RBMS2: variants seen among roughly 807,000 people sequenced by gnomAD.
RBMS2 encodes RNA-binding motif, single-stranded-interacting protein 2.
A neutral mutation model predicts 58.4 loss-of-function variants in RBMS2; 38 were observed. That is an observed-to-expected ratio of 0.65 (90% CI 0.50 to 0.85). RBMS2 has a LOEUF of 0.85. RBMS2 is among the 40% of genes least tolerant of loss of function. The probability of loss-of-function intolerance (pLI) is 0.00; values close to 1 mark genes in which losing one functional copy is unlikely to be tolerated. For missense variants in RBMS2, 367 were observed against 503.7 expected, an observed-to-expected ratio of 0.73 and a Z score of 2.60; for synonymous variants, 151 against 180.7, an observed-to-expected ratio of 0.84 and a Z score of 1.32.
rs757476877 is a variant in RBMS2 at position 56,521,989 on chromosome 12, C to G, written c.-35C>G. On this transcript the variant is annotated 5_prime_UTR_variant, in exon 1 of 14. Coordinates refer to ENST00000262031, the MANE Select transcript of RBMS2 (RefSeq NM_002898.4). ...TTACCCCCTCCCTTTCTCTCTCTCT[C>G]TCTCTCTCGCTCGTTCCCTAACATT... is the stretch of plus-strand genomic sequence containing the variant. 1.8e-6 allele frequency: 2 copies of G among 1,098,292 alleles called. No individual in the cohort carries two copies. Among genetic ancestry groups the G allele is most frequent in the Non-Finnish European group, 2.6e-6 (2 of 760,270 alleles). 68.0% of individuals were successfully genotyped at this position (1,098,292 alleles called of 1,614,324 possible).
rs775933407 is a variant in RBMS2 at position 56,596,107 on chromosome 12, CA to C, written c.*6980del. 2.6e-5 allele frequency: 4 copies of C among 152,630 alleles called. No individual in the cohort carries two copies. The highest frequency in any genetic ancestry group is 7.2e-5 in the African/African-American group (3 of 41,450). 9.5% of individuals were successfully genotyped at this position (152,630 alleles called of 1,614,324 possible). On this transcript the variant is annotated 3_prime_UTR_variant, in exon 14 of 14. Transcript: ENST00000262031. The stretch of plus-strand genomic sequence containing the variant: ...ATAGAAAGAAATAAATTTAAATTCA[CA>C]AAAAACTGTACATTATCAAAAAGTC...
rs141510866 is a variant in RBMS2, at chr12:56,583,349, C to A, written c.873+1197C>A. On this transcript the variant is annotated intron_variant, in intron 9 of 13. Transcript: ENST00000262031. ...TTCCTTCCAGGCATAGGTGCTACTG[C>A]TCTTTTAAAATTGTTCCTGTCTTGC... Among the ~76,000 whole-genome samples, 17 of 152,274 alleles carry A rather than the reference C, an allele frequency of 1.1e-4. No individual in the cohort carries two copies. The East Asian group carries it at 3.1e-3, about 28-fold the overall frequency.
intron 1 of RBMS2, among the ~76,000 whole-genome samples, chr12:56,544,616 T>A (rs932525040): frequency 6.6e-6 from 1 of 152,102 alleles, no homozygotes; most frequent in African/African-American, 2.4e-5. Context: ...GTTGAGACAG[T>A]CTTGCTCTGT....
At chr12:56,577,333 C>A (rs568106628) in intron 5 of RBMS2, among the ~76,000 whole-genome samples, 1 of 151,682 alleles carries the variant, frequency 6.6e-6, no homozygotes, top group South Asian at 2.1e-4. Flanking sequence ...ATCATTTGAA[C>A]CCAGGAGGCA....
chr12:56,587,430 CTCACT>C lies in RBMS2; in HGVS notation c.952-122_952-118del, dbSNP rs2136600991. 1.0e-5 allele frequency: 10 copies of C among 1,004,060 alleles called. No individual in the cohort carries two copies. The South Asian group carries it at 1.7e-4, about 17-fold the overall frequency. The allele number at this position is 1,004,060 out of a possible 1,614,324, so 62.2% of individuals were successfully genotyped here. On this transcript the variant is annotated intron_variant, in intron 10 of 13. Coordinates refer to ENST00000262031, the MANE Select transcript of RBMS2 (RefSeq NM_002898.4). ...TTCTTGTTGCATAGTTGGGTTGCTG[CTCACT>C]TACCATTTCCCAGGATTCTTAAATG... is the stretch of plus-strand genomic sequence containing the variant.
chr12:56,579,460 C>G (rs1277355655), intron 5 of RBMS2, among the ~76,000 whole-genome samples: 2 of 152,020 alleles, frequency 1.3e-5, no homozygotes, highest in East Asian at 3.9e-4. Flanking sequence ...GAAACCCCGT[C>G]TCTACTAAAA....
chr12:56,537,648 A>G (rs1359250375), intron 1 of RBMS2, among the ~76,000 whole-genome samples: 1 of 152,198 alleles, frequency 6.6e-6, no homozygotes, highest in Non-Finnish European at 1.5e-5. Context: ...TAATGTTGCT[A>G]TGAACTTGAG....
chr12:56,568,346 C>T (rs899943128), intron 2 of RBMS2, among the ~76,000 whole-genome samples: 2 of 152,158 alleles, frequency 1.3e-5, no homozygotes, highest in Non-Finnish European at 2.9e-5. Context: ...CACACTCTTT[C>T]GTGTGGACAT....
chr12:56,523,926 C>T (rs181805837), intron 1 of RBMS2, among the ~76,000 whole-genome samples: 269 of 152,178 alleles, frequency 1.8e-3, no homozygotes, highest in Non-Finnish European at 2.1e-3. Context: ...TCTTTTCAAA[C>T]CTTGTAGAGT....
intron 5 of RBMS2, among the ~76,000 whole-genome samples, chr12:56,576,662 A>ATTGT: frequency 6.6e-6 from 1 of 152,196 alleles, no homozygotes; most frequent in South Asian, 2.1e-4. Flanking sequence ...TCTCTATAGA[A>ATTGT]TTGTATTCTA....
chr12:56,583,155 G>A (rs1312883669), intron 9 of RBMS2, among the ~76,000 whole-genome samples: 1 of 152,152 alleles, frequency 6.6e-6, no homozygotes, highest in Non-Finnish European at 1.5e-5. Flanking sequence ...ACACCCTTGT[G>A]CTATATTTTT....
chr12:56,568,890 A>G, intron 2 of RBMS2, 85 bp from the exon 3 acceptor site: 1 of 1,171,938 alleles, frequency 8.5e-7, no homozygotes, highest in Non-Finnish European at 1.3e-6. Flanking sequence ...TGGAAAGGGC[A>G]TGGATTTGTT....
intron 12 of RBMS2, 45 bp downstream of exon 12, chr12:56,588,419 C>G (rs372900136): frequency 7.9e-6 from 12 of 1,527,930 alleles, no homozygotes; most frequent in Non-Finnish European, 1.1e-5. Flanking sequence ...GGAAAATGAA[C>G]GGAGGCAGGT....
At chr12:56,543,741 C>A (rs990678052) in intron 1 of RBMS2, among the ~76,000 whole-genome samples, 8 of 151,578 alleles carry the variant, frequency 5.3e-5, no homozygotes, top group Admixed American at 3.9e-4. Flanking sequence ...GATCTCAGCT[C>A]ACTGCAACCT....
chr12:56,560,260 A>AT (rs34832534), intron 1 of RBMS2, among the ~76,000 whole-genome samples: 2,754 of 132,548 alleles, frequency 0.021, 33 homozygotes, highest in African/African-American at 0.041. Context: ...AACCTTCATA[A>AT]TTTTTTTTTT....
At chr12:56,537,598 A>G (rs553561220) in intron 1 of RBMS2, among the ~76,000 whole-genome samples, 1 of 152,240 alleles carries the variant, frequency 6.6e-6, no homozygotes, top group East Asian at 1.9e-4. Context: ...TTTCCCATTG[A>G]TGGATACTTG....
At chr12:56,578,558 A>G (rs2136530381) in intron 5 of RBMS2, among the ~76,000 whole-genome samples, 1 of 152,368 alleles carries the variant, frequency 6.6e-6, no homozygotes, top group Non-Finnish European at 1.5e-5. Flanking sequence ...TACTGTAACA[A>G]GGGAGAGTTT....
At chr12:56,577,224 T>C (rs1883255298) in intron 5 of RBMS2, among the ~76,000 whole-genome samples, 1 of 151,562 alleles carries the variant, frequency 6.6e-6, no homozygotes, top group Non-Finnish European at 1.5e-5. Flanking sequence ...GTCAACTCGG[T>C]GAAACCCTGT....
intron 1 of RBMS2, among the ~76,000 whole-genome samples, chr12:56,542,055 A>G (rs1159163865): frequency 6.2e-5 from 1 of 16,080 alleles, no homozygotes; most frequent in Non-Finnish European, 4.8e-4. Context: ...AATCTAGTAG[A>G]TTTATTTTTT....
Sources: gnomAD v4.1 joint callset for allele counts (sites outside exome capture counted in the v4.1 genomes callset) on GRCh38, gnomAD v4.1.1 for gene constraint, MANE v1.5 for transcripts, NCBI Gene and HGNC (gene_info 2026-07-23, HGNC 2026-07-21) for gene names.